The following GPSM1 variants were observed in gnomAD, a reference collection of about 807,000 sequenced individuals.
GPSM1 encodes the protein G protein-signaling modulator 1.
A neutral mutation model predicts 70.5 loss-of-function variants in GPSM1; 48 were observed. That is an observed-to-expected ratio of 0.68 (90% CI 0.54 to 0.87). The LOEUF is 0.87. Among genes scored for constraint, GPSM1 ranks in the 40% least tolerant of loss-of-function variants. The pLI is 0.00. For missense variants in GPSM1, 981 were observed against 972.6 expected, an observed-to-expected ratio of 1.01 and a Z score of -0.11; for synonymous variants, 416 against 430.1, an observed-to-expected ratio of 0.97 and a Z score of 0.41.
chr9:136,358,256 A>G lies in GPSM1; in HGVS notation c.*36A>G. On this transcript the variant is annotated 3_prime_UTR_variant, in exon 14 of 14. Transcript: ENST00000440944. ...CCACCGCCAGGCCCACCCTGCCCCC[A>G]CTCCTGGACGCCGGTCTCACAGTCA... 2 of 1,486,082 alleles carry G rather than the reference A, an allele frequency of 1.3e-6. No homozygotes were observed. Among genetic ancestry groups the G allele is most frequent in the Non-Finnish European group, 1.8e-6 (2 of 1,104,578 alleles). The allele number at this position is 1,486,082 out of a possible 1,614,324, so 92.1% of individuals were successfully genotyped here. A position where few individuals can be genotyped will look rare whatever the true frequency, so the allele number is the denominator to read the frequency against.
Position 136,349,036 on chromosome 9 carries a change from G to T in GPSM1, c.1278+269G>T, listed in dbSNP as rs954091548. On this transcript the variant is annotated intron_variant, in intron 10 of 13. Coordinates refer to ENST00000440944, the MANE Select transcript of GPSM1 (RefSeq NM_001145638.3). ...CCAGCTGCTATGCCACCACACCCTCGGGAGCCCACAGACAGGGGCACCCAC... is the reference window on the plus strand; with the variant it reads ...CCAGCTGCTATGCCACCACACCCTCTGGAGCCCACAGACAGGGGCACCCAC... 4.6e-5 allele frequency among the ~76,000 whole-genome samples: 7 copies of T among 152,296 alleles called. No individual in the cohort carries two copies. The East Asian group carries it at 1.4e-3, about 29-fold the overall frequency.
At chr9:136,348,075 G>A (rs782645674) in intron 9 of GPSM1, among the ~76,000 whole-genome samples, 1 of 152,354 alleles carries the variant, frequency 6.6e-6, no homozygotes, top group East Asian at 1.9e-4. Flanking sequence ...ACCCCACTGC[G>A]GCTAGAGGGG....
Position 136,356,504 on chromosome 9 carries a change from C to G in GPSM1, c.1775C>G (p.Pro592Arg). ...GGGCACCTCCGAGGCCACGGCGAGC[C>G]CCAGGAGCCGGGGGACGACTTCTTC... is the stretch of plus-strand genomic sequence containing the variant. ...NAGHLRGHGEPQEPGDDFFNM... is the reference protein window; with the variant it reads ...NAGHLRGHGERQEPGDDFFNM... The change falls in exon 13 of 14, where the codon CCC (proline) becomes CGC (arginine). Residue 592 changes from proline (P) to arginine (R), a missense_variant. Pro to Arg is a moderately radical substitution (Grantham distance 103, BLOSUM62 -2). Coordinates refer to ENST00000440944, the MANE Select transcript of GPSM1 (RefSeq NM_001145638.3). The G allele has an allele frequency of 6.2e-7, 1 of 1,612,032 alleles. No individual in the cohort carries two copies. The highest frequency in any genetic ancestry group is 8.5e-7 in the Non-Finnish European group (1 of 1,179,384).
At chr9:136,346,733 G>A (rs543287514) in intron 9 of GPSM1, among the ~76,000 whole-genome samples, 4 of 152,320 alleles carry the variant, frequency 2.6e-5, no homozygotes, top group East Asian at 3.9e-4. Flanking sequence ...CCTCATGGTC[G>A]GGGCCAGGCT....
At chr9:136,354,326 C>T (rs1358609106) in intron 11 of GPSM1, among the ~76,000 whole-genome samples, 6 of 152,332 alleles carry the variant, frequency 3.9e-5, no homozygotes, top group South Asian at 4.1e-4. Context: ...GGAAGCAGGA[C>T]GGGAGCCCTA....
chr9:136,328,527 T>C (rs781880257), intron 1 of GPSM1, among the ~76,000 whole-genome samples: 12 of 152,244 alleles, frequency 7.9e-5, no homozygotes, highest in Non-Finnish European at 1.5e-4. Context: ...GACACTATTG[T>C]CCTCTGGACA....
chr9:136,357,760 TGGACCTGCTTTTCCTGGGC>T (rs1406719945), intron 13 of GPSM1, among the ~76,000 whole-genome samples: 1 of 152,214 alleles, frequency 6.6e-6, no homozygotes, highest in Non-Finnish European at 1.5e-5. Context: ...TGGGAATCGC[TGGACCTGCTTTTCCTGGGC>T]GGGCCTGCCC....
chr9:136,348,689 G>A lies in GPSM1; in HGVS notation c.1208-8G>A. 1.2e-6 allele frequency: 2 copies of A among 1,608,806 alleles called. No homozygotes were observed. Among genetic ancestry groups the A allele is most frequent in the East Asian group, 4.5e-5 (2 of 44,798 alleles). On this transcript the variant is annotated splice_region_variant and splice_polypyrimidine_tract_variant and intron_variant, in intron 9 of 13. Coordinates refer to ENST00000440944, the MANE Select transcript of GPSM1 (RefSeq NM_001145638.3). ...GGTGCTGGGCTGACCGGGTCCCTCT[G>A]TCTTCAGGGGCCAGACCCAAGAGGA...
At chr9:136,330,831 G>T (rs1300363145) in intron 1 of GPSM1, among the ~76,000 whole-genome samples, 1 of 152,152 alleles carries the variant, frequency 6.6e-6, no homozygotes, top group East Asian at 1.9e-4. Context: ...CCACCACGGA[G>T]GGTCTGAGGG....
At chr9:136,333,961 G>T (rs1832163342) in intron 1 of GPSM1, among the ~76,000 whole-genome samples, 1 of 151,552 alleles carries the variant, frequency 6.6e-6, no homozygotes, top group Admixed American at 6.5e-5. Context: ...CGACCCCCAT[G>T]TGGCCTTCAC....
chr9:136,344,175 C>T (rs1832462282), intron 9 of GPSM1, among the ~76,000 whole-genome samples: 1 of 108,684 alleles, frequency 9.2e-6, no homozygotes, highest in Admixed American at 1.1e-4. Flanking sequence ...CGGGGGGAGG[C>T]GCGGACAGGA....
In GPSM1 at chr9:136,344,264, G is replaced by A. The variant is rs181403668; in HGVS notation, c.1207+3271G>A. Among the ~76,000 whole-genome samples, 449 of 151,868 alleles carry A rather than the reference G, an allele frequency of 3.0e-3. 6 individuals are homozygous for A. Among genetic ancestry groups the A allele is most frequent in the African/African-American group, 0.01 (424 of 41,376 alleles). On this transcript the variant is annotated intron_variant, in intron 9 of 13. Coordinates refer to ENST00000440944, the MANE Select transcript of GPSM1 (RefSeq NM_001145638.3). ...GGGCGCAGACAGGAGCAGGGGAGGC[G>A]CGGACAGGAACAGGGGAAGCAGGCT...
chr9:136,355,726 T>C lies in GPSM1; in HGVS notation c.1492T>C (p.Phe498Leu). ...GGCCCCGTCTTCGGACGAGGAGTGC[T>C]TCTTTGACCTGTTGACCAAGTTCCA... ...PRAPSSDEEC[F>L]FDLLTKFQSS... is the part of the protein sequence containing the mutation. The change falls in exon 12 of 14, where the codon TTC (phenylalanine) becomes CTC (leucine). Residue 498 changes from phenylalanine to leucine, a missense_variant. Phe to Leu is a conservative substitution (Grantham distance 22). Coordinates refer to ENST00000440944, the MANE Select transcript of GPSM1 (RefSeq NM_001145638.3). 6.2e-7 allele frequency: 1 copy of C among 1,612,382 alleles called. No individual in the cohort carries two copies.
Position 136,328,750 on chromosome 9 carries a change from C to T in GPSM1, c.68+987C>T, listed in dbSNP as rs782411463. On this transcript the variant is annotated intron_variant, in intron 1 of 13. Coordinates refer to ENST00000440944, the MANE Select transcript of GPSM1 (RefSeq NM_001145638.3). ...GGTCCCAGACACAGCCCCATTGTGC[C>T]GTCCTGGATGGAGCGCTGAGCCCCT... Among the ~76,000 whole-genome samples, 19 of 152,308 alleles carry T rather than the reference C, an allele frequency of 1.2e-4. No homozygotes were observed. The East Asian group carries it at 2.3e-3, about 19-fold the overall frequency.
chr9:136,336,243 G>A (rs1404073508), intron 3 of GPSM1, 142 bp downstream of exon 3: 10 of 1,014,160 alleles, frequency 9.9e-6, no homozygotes, highest in South Asian at 3.1e-5. Context: ...CCTAGATCCC[G>A]AGTGACTCAG....
At chr9:136,356,215 G>T in intron 12 of GPSM1, 127 bp from the exon 13 acceptor site, 1 of 759,622 alleles carries the variant, frequency 1.3e-6, no homozygotes, top group Non-Finnish European at 2.1e-6. Flanking sequence ...ACTCCCCCAG[G>T]AGCCATGGCC....
Position 136,338,608 on chromosome 9 carries a change from C to G in GPSM1, c.872C>G (p.Ala291Gly), listed in dbSNP as rs1554769694. ...QLRDQAVEAQ[A>G]CYSLGNTYTL... ...AGGGACCAGGCAGTGGAGGCGCAGG[C>G]CTGCTACAGTCTGGGCAACACCTAC... is the stretch of plus-strand genomic sequence containing the variant. The change falls in exon 7 of 14, where the codon GCC becomes GGC. Residue 291 changes from alanine (A) to glycine (G), a missense_variant. Coordinates refer to ENST00000440944, the MANE Select transcript of GPSM1 (RefSeq NM_001145638.3). 2 of 1,610,640 alleles carry G rather than the reference C, an allele frequency of 1.2e-6. No individual in the cohort carries two copies. The highest frequency in any genetic ancestry group is 4.5e-5 in the East Asian group (2 of 44,840).
chr9:136,339,713 C>T lies in GPSM1; in HGVS notation c.981C>T (p.Gly327=), dbSNP rs372088202. The T allele has an allele frequency of 9.0e-6, 14 of 1,548,422 alleles. No individual in the cohort carries two copies. Among genetic ancestry groups the T allele is most frequent in the South Asian group, 6.0e-5 (5 of 84,010 alleles). The part of the protein sequence containing the change: ...LIAQELADRV[G]EGRACWSLGN... ...TGGTCTCCCTCTCTGGCAGAGTGGG[C>T]GAGGGCCGGGCGTGCTGGAGCCTGG... The change falls in exon 8 of 14, where the codon GGC becomes GGT. Residue 327 remains glycine, a synonymous_variant. Coordinates refer to ENST00000440944, the MANE Select transcript of GPSM1 (RefSeq NM_001145638.3).
In GPSM1 at chr9:136,355,759, C is replaced by T. The variant is rs781903499; in HGVS notation, c.1525C>T (p.Arg509Cys). The change falls in exon 12 of 14, where the codon CGC becomes TGC. Residue 509 changes from arginine (R) to cysteine (C), a missense_variant. Transcript: ENST00000440944. ...CCTGTTGACCAAGTTCCAGAGCAGC[C>T]GCATGGACGACCAGCGTTGTCCCCT... ...FDLLTKFQSSRMDDQRCPLDD... is the reference protein window; with the variant it reads ...FDLLTKFQSSCMDDQRCPLDD... The T allele has an allele frequency of 6.2e-6, 10 of 1,612,094 alleles. No individual in the cohort carries two copies. The highest frequency in any genetic ancestry group is 2.2e-5 in the East Asian group (1 of 44,874).
Sources: gnomAD v4.1 joint callset for allele counts (sites outside exome capture counted in the v4.1 genomes callset) on GRCh38, gnomAD v4.1.1 for gene constraint, MANE v1.5 for transcripts, NCBI Gene and HGNC (gene_info 2026-07-23, HGNC 2026-07-21) for gene names.